Variants in COL25A1 observed in about 807,000 individuals in gnomAD.
The protein encoded by COL25A1 is collagen alpha-1(XXV) chain.
Under a neutral mutation model 128.4 loss-of-function variants are expected in COL25A1, and 103 were observed. The ratio of observed to expected loss-of-function variants is 0.80; its 90% confidence interval spans 0.68 to 0.94. COL25A1 has a LOEUF of 0.94. Ranked by LOEUF, COL25A1 falls within the 40% of genes least tolerant of loss-of-function variation. COL25A1 has a pLI of 0.00. For missense variants in COL25A1, 745 were observed against 840.0 expected (o/e 0.89, Z 1.40); for synonymous variants, 279 against 277.2 (o/e 1.01, Z -0.06).
intron 5 of COL25A1, among the ~76,000 whole-genome samples, chr4:109,015,117 A>C (rs1560542409): frequency 6.6e-6 from 1 of 152,246 alleles, no homozygotes; most frequent in East Asian, 1.9e-4. Flanking sequence ...GAGGGAGAGC[A>C]GGAGAGTGTC....
Position 109,302,191 on chromosome 4 carries a change from AC to A in COL25A1, c.-80del, listed in dbSNP as rs1297607064. 1.2e-6 allele frequency: 1 copy of A among 814,594 alleles called. No individual in the cohort carries two copies. The highest frequency in any genetic ancestry group is 3.0e-5 in the Admixed American group (1 of 33,102). The allele number at this position is 814,594 out of a possible 1,614,324, so 50.5% of individuals were successfully genotyped here. ...GACCCCTGCCTTGCTCAGCGTCCAG[AC>A]CCGCAGGCGTGCACCATCCCCGCTT... On this transcript the variant is annotated 5_prime_UTR_variant, in exon 1 of 38. It removes the in-frame stop codon of an upstream open reading frame in the 5' UTR. Coordinates refer to ENST00000399132, the MANE Select transcript of COL25A1 (RefSeq NM_198721.4).
intron 3 of COL25A1, among the ~76,000 whole-genome samples, chr4:109,152,657 T>C (rs1329102936): frequency 6.6e-6 from 1 of 152,192 alleles, no homozygotes; most frequent in African/African-American, 2.4e-5. Context: ...AAATGTGGTA[T>C]ATACGTACAA....
At chr4:109,181,734 C>T (rs954040170) in intron 3 of COL25A1, among the ~76,000 whole-genome samples, 2 of 152,048 alleles carry the variant, frequency 1.3e-5, no homozygotes, top group Non-Finnish European at 2.9e-5. Context: ...CTACTCTCAG[C>T]AATTTTCAGG....
At chr4:108,954,061 A>G (rs988361660) in intron 8 of COL25A1, among the ~76,000 whole-genome samples, 5 of 152,186 alleles carry the variant, frequency 3.3e-5, no homozygotes, top group Admixed American at 6.5e-5. Flanking sequence ...GAATAAGAAC[A>G]GAAGAAAGTA....
At chr4:109,172,328 GAT>G (rs1371946840) in intron 3 of COL25A1, among the ~76,000 whole-genome samples, 6 of 152,162 alleles carry the variant, frequency 3.9e-5, no homozygotes, top group African/African-American at 1.4e-4. Flanking sequence ...AATGCGATAA[GAT>G]ATAATCGAGG....
chr4:108,926,447 T>C (rs901086045), intron 11 of COL25A1, among the ~76,000 whole-genome samples: 22 of 152,200 alleles, frequency 1.4e-4, no homozygotes, highest in African/African-American at 5.3e-4. Flanking sequence ...TTTAAAATTA[T>C]TTCCTTTTTA....
chr4:109,023,601 C>G lies in COL25A1; in HGVS notation c.421-13226G>C, dbSNP rs186665436. ...AGTAAAGAAGTTGAGGCAGAGAAAG[C>G]AGAAGTTATGTCCAAGGCACCAAGA... On this transcript the variant is annotated intron_variant, in intron 5 of 37. Coordinates refer to ENST00000399132, the MANE Select transcript of COL25A1 (RefSeq NM_198721.4). Among the ~76,000 whole-genome samples the G allele has an allele frequency of 2.4e-3, 359 of 152,202 alleles. 1 individual carries two copies. The highest frequency in any genetic ancestry group is 7.7e-3 in the African/African-American group (319 of 41,522).
chr4:108,991,497 T>C (rs1474436270), intron 6 of COL25A1, among the ~76,000 whole-genome samples: 1 of 152,158 alleles, frequency 6.6e-6, no homozygotes, highest in Non-Finnish European at 1.5e-5. Context: ...TTCTAATATA[T>C]TAAGACTTTT....
chr4:109,254,361 A>G (rs1381052175), intron 3 of COL25A1, among the ~76,000 whole-genome samples: 1 of 149,950 alleles, frequency 6.7e-6, no homozygotes, highest in Non-Finnish European at 1.5e-5. Flanking sequence ...AAGGGGGTTT[A>G]AATCACTTAC....
At chr4:109,301,587 G>C in intron 2 of COL25A1, 136 bp downstream of exon 2, 1 of 903,844 alleles carries the variant, frequency 1.1e-6, no homozygotes. Context: ...ATAGATCCTT[G>C]GCCAACACAT....
intron 35 of COL25A1, 119 bp downstream of exon 35, chr4:108,824,055 T>A: frequency 6.2e-7 from 1 of 1,612,948 alleles, no homozygotes; most frequent in Non-Finnish European, 8.5e-7. Flanking sequence ...GGCATCAGTA[T>A]GTTTTTGGAG....
chr4:109,033,977 A>C (rs939024595), intron 5 of COL25A1, among the ~76,000 whole-genome samples: 5 of 152,194 alleles, frequency 3.3e-5, no homozygotes, highest in African/African-American at 4.8e-5. Flanking sequence ...AAAGCAAAAC[A>C]TAAGCAATTA....
At chr4:109,211,273 ACT>A in intron 3 of COL25A1, among the ~76,000 whole-genome samples, 1 of 42,246 alleles carries the variant, frequency 2.4e-5, no homozygotes, top group African/African-American at 4.5e-4. Context: ...TATATATGAA[ACT>A]ATATATATAT....
chr4:109,231,755 C>T (rs571495942), intron 3 of COL25A1, among the ~76,000 whole-genome samples: 14 of 152,296 alleles, frequency 9.2e-5, no homozygotes, highest in South Asian at 2.1e-4. Context: ...TGGAAATGCG[C>T]AACCTTGCAA....
chr4:109,247,504 TAC>T (rs751171694), intron 3 of COL25A1, among the ~76,000 whole-genome samples: 1 of 152,200 alleles, frequency 6.6e-6, no homozygotes, highest in Non-Finnish European at 1.5e-5. Flanking sequence ...TAGACAAGCC[TAC>T]AGTCACTTGG....
intron 19 of COL25A1, among the ~76,000 whole-genome samples, chr4:108,877,533 T>A (rs761079929): frequency 6.6e-6 from 1 of 152,188 alleles, no homozygotes; most frequent in Non-Finnish European, 1.5e-5. Context: ...GATAGATACC[T>A]TTAAGGTAAG....
At chr4:109,070,585 G>A (rs546257847) in intron 3 of COL25A1, among the ~76,000 whole-genome samples, 39 of 151,920 alleles carry the variant, frequency 2.6e-4, no homozygotes, top group Middle Eastern at 3.4e-3. Flanking sequence ...TGTGCACAAC[G>A]TGCAGGTTTG....
chr4:109,101,617 T>G (rs566017636), intron 3 of COL25A1, among the ~76,000 whole-genome samples: 113 of 152,320 alleles, frequency 7.4e-4, no homozygotes, highest in African/African-American at 2.6e-3. Flanking sequence ...TCCCATAATA[T>G]TCACCAATTC....
chr4:108,907,650 C>G (rs1485092618), intron 13 of COL25A1, among the ~76,000 whole-genome samples: 1 of 152,198 alleles, frequency 6.6e-6, no homozygotes, highest in Admixed American at 6.5e-5. Flanking sequence ...TTTCCAGAGA[C>G]AAAAAGCCAC....
Sources: gnomAD v4.1 joint callset for allele counts (sites outside exome capture counted in the v4.1 genomes callset) on GRCh38, gnomAD v4.1.1 for gene constraint, MANE v1.5 for transcripts, NCBI Gene and HGNC (gene_info 2026-07-23, HGNC 2026-07-21) for gene names.